Variants in NT5E observed in about 807,000 individuals in gnomAD.
NT5E encodes 5'-nucleotidase.
NT5E carries 53 observed loss-of-function variants against 55.1 expected under a neutral mutation model. The ratio of observed to expected loss-of-function variants is 0.96; its 90% confidence interval spans 0.77 to 1.21. NT5E has a LOEUF of 1.21. Among genes scored for constraint, NT5E ranks in the 50% most tolerant of loss-of-function variants. The pLI is 0.00. For missense variants in NT5E, 683 were observed against 724.3 expected, an observed-to-expected ratio of 0.94 and a Z score of 0.65; for synonymous variants, 270 against 278.4, an observed-to-expected ratio of 0.97 and a Z score of 0.30.
At chr6:85,485,910 G>A (rs568248051) in intron 4 of NT5E, among the ~76,000 whole-genome samples, 31 of 152,286 alleles carry the variant, frequency 2.0e-4, no homozygotes, top group African/African-American at 6.5e-4. Context: ...CCAGCAGCCC[G>A]CAATGCAATG....
intron 3 of NT5E, among the ~76,000 whole-genome samples, chr6:85,478,298 G>C (rs1211081236): frequency 2.0e-5 from 3 of 152,216 alleles, no homozygotes; most frequent in African/African-American, 7.2e-5. Flanking sequence ...TAAAAAGAAT[G>C]ACTACAGAAC....
chr6:85,459,511 C>A (rs989127183), intron 1 of NT5E, among the ~76,000 whole-genome samples: 2 of 152,214 alleles, frequency 1.3e-5, no homozygotes, highest in African/African-American at 4.8e-5. Context: ...TGTTTCCCTT[C>A]TGACATGTTT....
intron 1 of NT5E, among the ~76,000 whole-genome samples, chr6:85,452,020 G>A (rs1768870190): frequency 1.3e-5 from 2 of 152,126 alleles, no homozygotes; most frequent in South Asian, 4.1e-4. Flanking sequence ...GATGAGGTGG[G>A]GCTCACACAC....
chr6:85,466,175 C>G (rs549206367), intron 1 of NT5E, among the ~76,000 whole-genome samples: 32 of 152,212 alleles, frequency 2.1e-4, no homozygotes, highest in African/African-American at 6.3e-4. Flanking sequence ...CCACTCCCCC[C>G]CAGCCCCCAA....
chr6:85,473,547 C>T (rs1769364566), intron 3 of NT5E, among the ~76,000 whole-genome samples: 2 of 152,094 alleles, frequency 1.3e-5, no homozygotes, highest in South Asian at 4.2e-4. Flanking sequence ...AAACTATGAC[C>T]CGTAGTAAGA....
chr6:85,462,912 C>A (rs1354771013), intron 1 of NT5E, among the ~76,000 whole-genome samples: 1 of 152,196 alleles, frequency 6.6e-6, no homozygotes, highest in African/African-American at 2.4e-5. Flanking sequence ...GACAATTGCC[C>A]AGGTTTTCTT....
intron 1 of NT5E, among the ~76,000 whole-genome samples, chr6:85,461,209 T>G (rs1769092540): frequency 6.6e-6 from 1 of 152,216 alleles, no homozygotes; most frequent in South Asian, 2.1e-4. Context: ...CTGGAGTTTT[T>G]GGTCCTTCAG....
rs74196667 is a variant in NT5E, at chr6:85,486,426, G to A, written c.950-909G>A. On this transcript the variant is annotated intron_variant, in intron 4 of 8. Coordinates refer to ENST00000257770, the MANE Select transcript of NT5E (RefSeq NM_002526.4). ...GAGGGGAGTACGCCTTAACCCTAAA[G>A]AGGCCTAGAAGAGCGGCGGCAAGAT... 4.1e-4 allele frequency among the ~76,000 whole-genome samples: 63 copies of A among 152,292 alleles called. No individual in the cohort carries two copies. The East Asian group carries it at 0.011, about 28-fold the overall frequency.
chr6:85,473,303 A>G (rs539043093), intron 3 of NT5E, among the ~76,000 whole-genome samples: 2 of 152,160 alleles, frequency 1.3e-5, no homozygotes, highest in East Asian at 3.8e-4. Flanking sequence ...TACCTATTAT[A>G]AGGGGTCACT....
intron 3 of NT5E, among the ~76,000 whole-genome samples, chr6:85,478,920 T>C (rs532916905): frequency 1.8e-4 from 28 of 152,016 alleles, no homozygotes; most frequent in Non-Finnish European, 3.5e-4. Flanking sequence ...CTAATACAGG[T>C]ATTTCACTGA....
At chr6:85,481,640 A>G (rs1340063331) in intron 3 of NT5E, among the ~76,000 whole-genome samples, 4 of 152,234 alleles carry the variant, frequency 2.6e-5, no homozygotes, top group Non-Finnish European at 5.9e-5. Context: ...TCTTTACTCC[A>G]TAAGGTTCCT....
intron 8 of NT5E, among the ~76,000 whole-genome samples, chr6:85,493,355 AC>A (rs1769826032): frequency 2.0e-5 from 3 of 152,096 alleles, no homozygotes; most frequent in Non-Finnish European, 2.9e-5. Flanking sequence ...TCCCAACAGA[AC>A]ATGGGTTCCC....
chr6:85,454,897 C>CA (rs1768958319), intron 1 of NT5E, among the ~76,000 whole-genome samples: 1 of 152,140 alleles, frequency 6.6e-6, no homozygotes, highest in Non-Finnish European at 1.5e-5. Flanking sequence ...TCTGAGGTCC[C>CA]ATACATATTT....
In NT5E at chr6:85,467,081, G is replaced by C. The variant is rs1243957229; in HGVS notation, c.361G>C (p.Asp121His). ...CTAGGCACTGGGAAATCATGAATTTGATAATGGTGTGGAAGGACTGATCGA... is the reference window on the plus strand; with the variant it reads ...CTAGGCACTGGGAAATCATGAATTTCATAATGGTGTGGAAGGACTGATCGA... ...DAMALGNHEF[D>H]NGVEGLIEPL... Residue 121 changes from aspartate to histidine, a missense_variant, in exon 2 of 9, where the codon GAT becomes CAT. By Grantham distance (81) the Asp-to-His change is moderately conservative. Transcript: ENST00000257770. 5.0e-6 allele frequency: 8 copies of C among 1,614,100 alleles called. No homozygotes were observed. Among genetic ancestry groups the C allele is most frequent in the Non-Finnish European group, 6.8e-6 (8 of 1,180,000 alleles).
At chr6:85,480,952 G>A (rs1028248174) in intron 3 of NT5E, among the ~76,000 whole-genome samples, 1 of 152,110 alleles carries the variant, frequency 6.6e-6, no homozygotes, top group African/African-American at 2.4e-5. Context: ...TCCCAGTTCA[G>A]GTTCCTCTTC....
chr6:85,489,018 G>T (rs776307855), intron 5 of NT5E, among the ~76,000 whole-genome samples: 1 of 151,604 alleles, frequency 6.6e-6, no homozygotes, highest in Non-Finnish European at 1.5e-5. Context: ...GGCTGTCTCT[G>T]TCTTTCCAAA....
chr6:85,461,109 A>AC (rs1769090883), intron 1 of NT5E, among the ~76,000 whole-genome samples: 1 of 152,232 alleles, frequency 6.6e-6, no homozygotes, highest in African/African-American at 2.4e-5. Context: ...TGTATCTAAC[A>AC]CAGGAGAAAT....
At chr6:85,482,511 T>A (rs1338580997) in intron 3 of NT5E, among the ~76,000 whole-genome samples, 1 of 152,148 alleles carries the variant, frequency 6.6e-6, no homozygotes, top group Non-Finnish European at 1.5e-5. Context: ...GACCCACACT[T>A]AGGTTCACCA....
At chr6:85,457,640 C>T (rs942777488) in intron 1 of NT5E, among the ~76,000 whole-genome samples, 6 of 152,136 alleles carry the variant, frequency 3.9e-5, no homozygotes, top group Non-Finnish European at 7.3e-5. Context: ...CGGGATGTTA[C>T]TCTGGTAGTA....
Sources: gnomAD v4.1 joint callset for allele counts (sites outside exome capture counted in the v4.1 genomes callset) on GRCh38, gnomAD v4.1.1 for gene constraint, MANE v1.5 for transcripts, NCBI Gene and HGNC (gene_info 2026-07-23, HGNC 2026-07-21) for gene names.